The following CELF4 variants were observed in gnomAD, a reference collection of about 807,000 sequenced individuals.
The protein encoded by CELF4 is CUG-BP- and ETR-3-like factor 4.
CELF4 carries 18 observed loss-of-function variants against 59.9 expected under a neutral mutation model. The ratio of observed to expected loss-of-function variants is 0.30; its 90% CI spans 0.21 to 0.45. The LOEUF is 0.45. CELF4 is among the 20% of genes least tolerant of loss of function. The probability of loss-of-function intolerance (pLI) is 1.00; values close to 1 mark genes in which losing one functional copy is unlikely to be tolerated. For synonymous variants in CELF4, 261 were observed against 267.1 expected (o/e 0.98, Z 0.22); for missense variants, 456 against 689.0 (o/e 0.66, Z 3.79).
chr18:37,260,429 GGT>G (rs1196039782), intron 10 of CELF4, among the ~76,000 whole-genome samples: 2 of 152,198 alleles, frequency 1.3e-5, no homozygotes, highest in Admixed American at 6.5e-5. Flanking sequence ...TTTCAATGAT[GGT>G]GTCCAAGCTG....
intron 2 of CELF4, among the ~76,000 whole-genome samples, chr18:37,382,666 C>T (rs547099717): frequency 4.6e-5 from 7 of 152,306 alleles, no homozygotes; most frequent in African/African-American, 1.4e-4. Context: ...TTCTCTAGAA[C>T]ACAAATGAAC....
intron 2 of CELF4, among the ~76,000 whole-genome samples, chr18:37,387,856 G>A (rs2099115798): frequency 6.6e-6 from 1 of 152,190 alleles, no homozygotes. Context: ...CAAGGGCAGG[G>A]AGCCCCCTGC....
intron 2 of CELF4, among the ~76,000 whole-genome samples, chr18:37,380,029 A>T (rs1169542976): frequency 5.3e-5 from 8 of 152,046 alleles, no homozygotes; most frequent in African/African-American, 1.9e-4. Flanking sequence ...CATGTTCTTC[A>T]CTGAACCAGA....
intron 12 of CELF4, among the ~76,000 whole-genome samples, chr18:37,249,855 G>A (rs2064346072): frequency 6.6e-6 from 1 of 152,146 alleles, no homozygotes; most frequent in African/African-American, 2.4e-5. Flanking sequence ...AGGAGGGCCA[G>A]GCCGAAAGCT....
At chr18:37,517,051 C>T (rs2099951484) in intron 1 of CELF4, among the ~76,000 whole-genome samples, 1 of 152,174 alleles carries the variant, frequency 6.6e-6, no homozygotes, top group Non-Finnish European at 1.5e-5. Flanking sequence ...ACATGCATGC[C>T]CCATCCAAGC....
intron 2 of CELF4, among the ~76,000 whole-genome samples, chr18:37,338,684 GA>G (rs2097867083): frequency 6.6e-6 from 1 of 151,934 alleles, no homozygotes; most frequent in African/African-American, 2.4e-5. Flanking sequence ...GACTACCGGT[GA>G]CCTGAACTCA....
intron 8 of CELF4, among the ~76,000 whole-genome samples, chr18:37,266,939 G>C (rs961830643): frequency 3.3e-5 from 5 of 151,296 alleles, no homozygotes; most frequent in South Asian, 2.1e-4. Flanking sequence ...GCTGGTGGTG[G>C]GGGGGGACAC....
intron 2 of CELF4, among the ~76,000 whole-genome samples, chr18:37,427,542 A>G (rs565735042): frequency 2.2e-3 from 329 of 152,176 alleles, no homozygotes; most frequent in Non-Finnish European, 3.6e-3. Flanking sequence ...GGACCCTTAC[A>G]GCCCTGGCCT....
In CELF4 at chr18:37,339,329, G is replaced by C. The variant is rs934858401; in HGVS notation, c.370-17448C>G. Among the ~76,000 whole-genome samples, 7 of 152,292 alleles carry C rather than the reference G, an allele frequency of 4.6e-5. 1 individual carries two copies. Among genetic ancestry groups the C allele is most frequent in the Admixed American group, 4.6e-4 (7 of 15,300 alleles). On this transcript the variant is annotated intron_variant, in intron 2 of 12. Transcript: ENST00000420428. ...CAAATGGATCCCTTGACCAGAAAGT[G>C]GGGGCTTGGCTTGCGCCTGGAGGAA... is the stretch of plus-strand genomic sequence containing the variant.
At chr18:37,486,440 C>A (rs1163840662) in intron 1 of CELF4, among the ~76,000 whole-genome samples, 1 of 152,234 alleles carries the variant, frequency 6.6e-6, no homozygotes, top group Non-Finnish European at 1.5e-5. Flanking sequence ...GAAGAATATA[C>A]TCAAGGGGTG....
At chr18:37,563,368 A>C (rs1003604037) in intron 1 of CELF4, among the ~76,000 whole-genome samples, 5 of 152,088 alleles carry the variant, frequency 3.3e-5, no homozygotes, top group Non-Finnish European at 5.9e-5. Flanking sequence ...GATTTTTTTA[A>C]CTTTAAAATC....
At chr18:37,399,580 CA>C (rs1234675600) in intron 2 of CELF4, among the ~76,000 whole-genome samples, 1 of 152,158 alleles carries the variant, frequency 6.6e-6, no homozygotes, top group Admixed American at 6.5e-5. Context: ...ACAGGCTGAA[CA>C]ACAGTCGCTC....
Position 37,256,041 on chromosome 18 carries a change from C to T in CELF4, c.1334-2103G>A, listed in dbSNP as rs562922018. 5.3e-5 allele frequency among the ~76,000 whole-genome samples: 8 copies of T among 152,322 alleles called. No homozygotes were observed. The East Asian group carries it at 1.4e-3, about 26-fold the overall frequency. On this transcript the variant is annotated intron_variant, in intron 11 of 12. Coordinates refer to ENST00000420428, the MANE Select transcript of CELF4 (RefSeq NM_020180.4). ...CCTTGAACTGTTAGTAACTGGCTAG[C>T]AGTCTGAGCAGGGTCCCTCCCCTGC...
chr18:37,278,529 A>G (rs2093698638), intron 3 of CELF4, among the ~76,000 whole-genome samples: 1 of 152,262 alleles, frequency 6.6e-6, no homozygotes, highest in Admixed American at 6.5e-5. Flanking sequence ...CCCCTGCTCC[A>G]CAACTGAGTT....
intron 3 of CELF4, among the ~76,000 whole-genome samples, chr18:37,277,361 C>A (rs916965157): frequency 6.6e-6 from 1 of 152,226 alleles, no homozygotes; most frequent in African/African-American, 2.4e-5. Flanking sequence ...CTTCTGGCTC[C>A]TTTGGCTTGG....
intron 2 of CELF4, among the ~76,000 whole-genome samples, chr18:37,367,520 T>G (rs1039077232): frequency 6.6e-6 from 1 of 151,890 alleles, no homozygotes; most frequent in Non-Finnish European, 1.5e-5. Flanking sequence ...CATAAGATGC[T>G]TGGGACAAAA....
intron 1 of CELF4, among the ~76,000 whole-genome samples, chr18:37,518,987 C>T (rs541202552): frequency 1.3e-5 from 2 of 152,276 alleles, no homozygotes; most frequent in African/African-American, 2.4e-5. Context: ...TGCATTCTGC[C>T]CCCTCCTCCA....
chr18:37,512,719 C>T (rs1469933457), intron 1 of CELF4, among the ~76,000 whole-genome samples: 1 of 150,970 alleles, frequency 6.6e-6, no homozygotes, highest in Non-Finnish European at 1.5e-5. Flanking sequence ...TGTTTTTCTT[C>T]CTCCTCCTCC....
intron 2 of CELF4, among the ~76,000 whole-genome samples, chr18:37,413,168 T>G (rs1170319821): frequency 6.6e-6 from 1 of 152,248 alleles, no homozygotes; most frequent in East Asian, 1.9e-4. Flanking sequence ...GAGCCAGCGA[T>G]GTCTACATTT....
Sources: allele counts gnomAD v4.1 joint callset (sites outside exome capture counted in the v4.1 genomes callset), GRCh38; gene constraint gnomAD v4.1.1; transcripts MANE v1.5; gene names NCBI Gene and HGNC (gene_info 2026-07-23, HGNC 2026-07-21).